KDM4C: variants seen among roughly 807,000 people sequenced by gnomAD.
The protein encoded by KDM4C is lysine demethylase 4C.
KDM4C carries 81 observed loss-of-function variants against 129.3 expected under a neutral mutation model. That is an observed-to-expected ratio of 0.63 (90% CI 0.52 to 0.75). KDM4C has a LOEUF of 0.75. KDM4C is among the 30% of genes least tolerant of loss of function. The probability of loss-of-function intolerance (pLI) is 0.00; values close to 1 mark genes in which losing one functional copy is unlikely to be tolerated. For synonymous variants in KDM4C, 573 were observed against 456.1 expected, an observed-to-expected ratio of 1.26 and a Z score of -3.26; for missense variants, 1,457 against 1,304.0, an observed-to-expected ratio of 1.12 and a Z score of -1.81.
At chr9:6,972,140 A>G (rs1027330655) in intron 8 of KDM4C, among the ~76,000 whole-genome samples, 1 of 152,138 alleles carries the variant, frequency 6.6e-6, no homozygotes, top group Non-Finnish European at 1.5e-5. Context: ...TAAGATAAAT[A>G]TAGAAAGATC....
intron 8 of KDM4C, chr9:6,925,000 C>T: frequency 1.0e-6 from 1 of 985,336 alleles, no homozygotes; most frequent in South Asian, 4.7e-5. Flanking sequence ...ATTAGTGAAT[C>T]TTAGGCTTCC....
At chr9:7,023,525 C>A (rs998921345) in intron 15 of KDM4C, among the ~76,000 whole-genome samples, 1 of 151,902 alleles carries the variant, frequency 6.6e-6, no homozygotes, top group South Asian at 2.1e-4. Flanking sequence ...TTGATCTTCT[C>A]TCCTTTTTTC....
At chr9:7,002,672 G>C (rs559850824) in intron 12 of KDM4C, among the ~76,000 whole-genome samples, 2 of 152,012 alleles carry the variant, frequency 1.3e-5, no homozygotes, top group Non-Finnish European at 2.9e-5. Flanking sequence ...GACTGAGCTG[G>C]TTTCCTCCTA....
intron 18 of KDM4C, among the ~76,000 whole-genome samples, chr9:7,115,507 C>T (rs773061793): frequency 3.9e-5 from 6 of 152,148 alleles, no homozygotes; most frequent in Non-Finnish European, 5.9e-5. Flanking sequence ...GACATTCCAA[C>T]ATCTTGTAAC....
chr9:7,019,604 G>A (rs1351807632), intron 15 of KDM4C, among the ~76,000 whole-genome samples: 1 of 149,840 alleles, frequency 6.7e-6, no homozygotes, highest in Non-Finnish European at 1.5e-5. Flanking sequence ...TCAACGCCTC[G>A]TGTTCATTTT....
intron 17 of KDM4C, chr9:7,076,950 C>T (rs949964032): frequency 5.1e-6 from 5 of 986,140 alleles, no homozygotes; most frequent in Non-Finnish European, 6.0e-6. Context: ...CATTTTTCTA[C>T]AGCACATCAC....
intron 1 of KDM4C, among the ~76,000 whole-genome samples, chr9:6,727,944 C>T (rs1216449461): frequency 2.6e-5 from 4 of 151,552 alleles, no homozygotes; most frequent in African/African-American, 9.7e-5. Flanking sequence ...GCCTTTCTGA[C>T]ATTTCCTTGG....
intron 8 of KDM4C, among the ~76,000 whole-genome samples, chr9:6,932,333 A>G (rs1000055977): frequency 5.9e-5 from 9 of 152,152 alleles, no homozygotes; most frequent in African/African-American, 1.7e-4. Context: ...ATTAGTTTCA[A>G]TTAGGGTTTG....
rs1845719076 is a variant in KDM4C at position 6,889,084 on chromosome 9, G to T, written c.783+1021G>T. 6.4e-5 allele frequency among the ~76,000 whole-genome samples: 2 copies of T among 31,332 alleles called. 1 individual carries two copies. The highest frequency in any genetic ancestry group is 1.4e-3 in the East Asian group (2 of 1,470). The allele number at this position is 31,332 out of a possible 152,430, so 20.6% of individuals were successfully genotyped here. A position where few individuals can be genotyped will look rare whatever the true frequency, so the allele number is the denominator to read the frequency against. ...ATTACAGGCGTGAGCCACCGCGCCC[G>T]GCCCTTCTGTGTTTTTTATTTGACT... On this transcript the variant is annotated intron_variant, in intron 7 of 21. Transcript: ENST00000381309.
intron 18 of KDM4C, among the ~76,000 whole-genome samples, chr9:7,104,509 G>GA (rs1320759227): frequency 6.6e-6 from 1 of 152,182 alleles, no homozygotes; most frequent in Non-Finnish European, 1.5e-5. Flanking sequence ...TTATTTCTGG[G>GA]AAAAGTGTTT....
At chr9:6,933,508 C>G (rs778097827) in intron 8 of KDM4C, among the ~76,000 whole-genome samples, 1 of 152,194 alleles carries the variant, frequency 6.6e-6, no homozygotes, top group Non-Finnish European at 1.5e-5. Flanking sequence ...GAACAGTATT[C>G]TTCCCCTGGG....
At chr9:6,866,290 T>C (rs1019757206) in intron 5 of KDM4C, among the ~76,000 whole-genome samples, 3 of 152,218 alleles carry the variant, frequency 2.0e-5, no homozygotes, top group Non-Finnish European at 4.4e-5. Flanking sequence ...TTTCTTTTCT[T>C]TTCTTTTTCT....
At chr9:6,972,387 C>T (rs535262941) in intron 8 of KDM4C, among the ~76,000 whole-genome samples, 1 of 151,998 alleles carries the variant, frequency 6.6e-6, no homozygotes, top group African/African-American at 2.4e-5. Context: ...CCCATAAAAT[C>T]AGTTTACATG....
chr9:6,988,313 T>C (rs1166508859), intron 11 of KDM4C, among the ~76,000 whole-genome samples: 2 of 152,138 alleles, frequency 1.3e-5, no homozygotes, highest in Non-Finnish European at 2.9e-5. Flanking sequence ...TAAAGTAGAA[T>C]GGAGCTGAAA....
intron 19 of KDM4C, among the ~76,000 whole-genome samples, chr9:7,132,035 A>G (rs757401466): frequency 1.3e-4 from 20 of 152,318 alleles, no homozygotes; most frequent in Admixed American, 5.9e-4. Context: ...TGTGACCCCA[A>G]TGTTACTGGC....
chr9:7,107,747 G>A (rs529236139), intron 18 of KDM4C, among the ~76,000 whole-genome samples: 6 of 152,284 alleles, frequency 3.9e-5, no homozygotes, highest in African/African-American at 1.4e-4. Context: ...TAAAAGAGAG[G>A]AAGAACTTTT....
In KDM4C at chr9:6,949,136, G is replaced by T. The variant is rs1369048712; in HGVS notation, c.922-31789G>T. Among the ~76,000 whole-genome samples the T allele has an allele frequency of 2.0e-5, 3 of 151,272 alleles. No homozygotes were observed. The South Asian group carries it at 6.4e-4, about 32-fold the overall frequency. ...CGCTCCTCACTTCCCAGACGGGGCG[G>T]CTGCTGGGCGGAGGGGCTCCTCACT... On this transcript the variant is annotated intron_variant, in intron 8 of 21. Coordinates refer to ENST00000381309, the MANE Select transcript of KDM4C (RefSeq NM_015061.6).
At chr9:6,800,602 C>CTATTT (rs111341916) in intron 2 of KDM4C, among the ~76,000 whole-genome samples, 19,576 of 151,298 alleles carry the variant, frequency 0.13, 1,579 homozygotes, top group African/African-American at 0.22. Flanking sequence ...GTATATCTAT[C>CTATTT]TATTTTATTT....
intron 19 of KDM4C, among the ~76,000 whole-genome samples, chr9:7,128,791 C>T (rs972238309): frequency 2.6e-5 from 4 of 151,592 alleles, no homozygotes; most frequent in African/African-American, 4.8e-5. Flanking sequence ...TGTGCGTGCG[C>T]GTGTGTGTGT....
Sources: allele counts gnomAD v4.1 joint callset (sites outside exome capture counted in the v4.1 genomes callset), GRCh38; gene constraint gnomAD v4.1.1; transcripts MANE v1.5; gene names NCBI Gene and HGNC (gene_info 2026-07-23, HGNC 2026-07-21).